CDKN2B-AS1: variants seen among roughly 807,000 people sequenced by gnomAD.
The protein encoded by CDKN2B-AS1 is CDKN2B and CDKN2A antisense cis and trans regulatory RNA 1.
At chr9:22,061,641 A>G (rs1823824947) in intron 4 of CDKN2B-AS1, among the ~76,000 whole-genome samples, 1 of 152,164 alleles carries the variant, frequency 6.6e-6, no homozygotes, top group South Asian at 2.1e-4. Context: ...TCTATTTGGA[A>G]ACAGGAATTA....
At chr9:22,077,485 T>A (rs1824540581) in intron 4 of CDKN2B-AS1, among the ~76,000 whole-genome samples, 1 of 152,230 alleles carries the variant, frequency 6.6e-6, no homozygotes, top group South Asian at 2.1e-4. Flanking sequence ...ATAACTGAAT[T>A]AAATATCAGT....
chr9:22,041,641 A>G (rs1284371740), intron 1 of CDKN2B-AS1, among the ~76,000 whole-genome samples: 1 of 152,090 alleles, frequency 6.6e-6, no homozygotes, highest in Admixed American at 6.6e-5. Flanking sequence ...AGGTGAAAAC[A>G]CTTTCTTAGG....
chr9:22,024,659 T>G (rs1822156840), intron 1 of CDKN2B-AS1, among the ~76,000 whole-genome samples: 1 of 152,196 alleles, frequency 6.6e-6, no homozygotes, highest in Non-Finnish European at 1.5e-5. Context: ...CAATGGTGGT[T>G]GACAGAGGTC....
intron 4 of CDKN2B-AS1, among the ~76,000 whole-genome samples, chr9:22,078,077 C>T (rs1437492336): frequency 6.6e-6 from 1 of 152,154 alleles, no homozygotes; most frequent in Non-Finnish European, 1.5e-5. Context: ...TTCAACTTTA[C>T]TATCCTGGTC....
At chr9:22,008,978 G>A (rs1276300574) in intron 1 of CDKN2B-AS1, 1 of 1,613,168 alleles carries the variant, frequency 6.2e-7, no homozygotes, top group Non-Finnish European at 8.5e-7. Flanking sequence ...ACGCGCAGCG[G>A]CCCGGATAAT....
At chr9:22,093,021 G>C (rs1315246820) in intron 4 of CDKN2B-AS1, among the ~76,000 whole-genome samples, 1 of 152,128 alleles carries the variant, frequency 6.6e-6, no homozygotes, top group South Asian at 2.1e-4. Flanking sequence ...CTGGTATGTT[G>C]TGTCTTTGTT....
intron 1 of CDKN2B-AS1, among the ~76,000 whole-genome samples, chr9:22,041,313 TAAC>T (rs1200398550): frequency 6.6e-6 from 1 of 151,990 alleles, no homozygotes; most frequent in East Asian, 1.9e-4. Flanking sequence ...GAGTTGTGTA[TAAC>T]AACAATGAAC....
chr9:22,070,437 T>G (rs550578067), intron 4 of CDKN2B-AS1, among the ~76,000 whole-genome samples: 8 of 152,190 alleles, frequency 5.3e-5, no homozygotes, highest in Non-Finnish European at 8.8e-5. Flanking sequence ...TGACACATAG[T>G]CCAGTCAAGA....
chr9:22,116,101 A>G (rs534602261), intron 4 of CDKN2B-AS1, among the ~76,000 whole-genome samples: 19 of 152,338 alleles, frequency 1.2e-4, no homozygotes, highest in East Asian at 1.9e-4. Flanking sequence ...ATCAAATGAC[A>G]TTGGACATGA....
intron 4 of CDKN2B-AS1, among the ~76,000 whole-genome samples, chr9:22,109,114 G>A (rs186706338): frequency 3.6e-4 from 55 of 152,202 alleles, no homozygotes; most frequent in East Asian, 2.1e-3. Flanking sequence ...AATAAGAGGC[G>A]ATCATCATTC....
chr9:22,015,805 T>C (rs1209996301), intron 1 of CDKN2B-AS1, among the ~76,000 whole-genome samples: 1 of 152,216 alleles, frequency 6.6e-6, no homozygotes, highest in African/African-American at 2.4e-5. Context: ...TGTGAGATGG[T>C]ATCTCATTGT....
intron 1 of CDKN2B-AS1, chr9:22,008,903 A>C (rs1821341387): frequency 6.2e-7 from 1 of 1,612,848 alleles, no homozygotes; most frequent in South Asian, 1.1e-5. Flanking sequence ...CGCTGGCCAG[A>C]CCCTCATCGC....
At chr9:22,089,283 A>G (rs184997673) in intron 4 of CDKN2B-AS1, among the ~76,000 whole-genome samples, 1 of 152,352 alleles carries the variant, frequency 6.6e-6, no homozygotes, top group East Asian at 1.9e-4. Flanking sequence ...GATCAAAATA[A>G]TGTTGAAGAC....
chr9:21,998,969 A>T (rs1225877422), intron 1 of CDKN2B-AS1, among the ~76,000 whole-genome samples: 1 of 152,202 alleles, frequency 6.6e-6, no homozygotes, highest in Admixed American at 6.5e-5. Context: ...TAAAACAACA[A>T]TCCAATAAAA....
intron 3 of CDKN2B-AS1, among the ~76,000 whole-genome samples, chr9:22,055,295 CTT>C (rs971880558): frequency 4.9e-4 from 75 of 152,244 alleles, no homozygotes; most frequent in African/African-American, 1.7e-3. Flanking sequence ...GATCTACTCT[CTT>C]AGCAATTTTT....
At position 22,093,812 on chromosome 9, in the gene CDKN2B-AS1, A is replaced by G. The variant is rs573016614; in HGVS notation, n.439-33291A>G. ...GTCTTTTAATTGGAGCATTTAGCCCATTTACATTTAAGGTTAATATGTTAT... is the reference window on the plus strand; with the variant it reads ...GTCTTTTAATTGGAGCATTTAGCCCGTTTACATTTAAGGTTAATATGTTAT... On this transcript the variant is annotated intron_variant and non_coding_transcript_variant, in intron 4 of 4. Transcript: ENST00000650946. Among the ~76,000 whole-genome samples the G allele has an allele frequency of 1.5e-4, 21 of 144,296 alleles. 4 individuals carry two copies. The highest frequency in any genetic ancestry group is 5.8e-4 in the African/African-American group (20 of 34,512). 94.7% of individuals were successfully genotyped at this position (144,296 alleles called of 152,430 possible). A position where few individuals can be genotyped will look rare whatever the true frequency, so the allele number is the denominator to read the frequency against.
intron 4 of CDKN2B-AS1, chr9:22,120,526 A>T (rs1367495898): frequency 6.6e-6 from 1 of 152,188 alleles, no homozygotes; most frequent in Non-Finnish European, 1.5e-5. Flanking sequence ...AAATACAGAA[A>T]GATGAAAAGT....
At chr9:22,114,198 A>T (rs1825878505) in intron 4 of CDKN2B-AS1, among the ~76,000 whole-genome samples, 2 of 152,194 alleles carry the variant, frequency 1.3e-5, no homozygotes. Flanking sequence ...GTCATGACCT[A>T]GTTGTTCTCA....
intron 4 of CDKN2B-AS1, chr9:22,058,871 T>C (rs1028226791): frequency 9.1e-6 from 2 of 218,948 alleles, no homozygotes; most frequent in South Asian, 7.7e-5. Context: ...AGGCACTTCT[T>C]ACATGGTGGC....
Sources: allele counts gnomAD v4.1 joint callset (sites outside exome capture counted in the v4.1 genomes callset), GRCh38; gene constraint gnomAD v4.1.1; transcripts MANE v1.5; gene names NCBI Gene and HGNC (gene_info 2026-07-23, HGNC 2026-07-21).